Variants in RGS5 observed in about 807,000 individuals in gnomAD.
RGS5 encodes regulator of G protein signaling 5.
Under a neutral mutation model 18.9 loss-of-function variants are expected in RGS5, and 20 were observed. The observed-to-expected ratio is 1.06, with a 90% confidence interval of 0.74 to 1.54. The LOEUF is 1.54. Ranked by LOEUF, RGS5 falls within the 40% of genes most tolerant of loss-of-function variation. The pLI, the probability that RGS5 is intolerant of heterozygous loss-of-function variation, is 0.00. For missense variants in RGS5, 201 were observed against 211.8 expected (o/e 0.95, Z 0.32); for synonymous variants, 57 against 76.2 (o/e 0.75, Z 1.31).
chr1:163,269,947 A>C (rs1177717659), intron 2 of RGS5, among the ~76,000 whole-genome samples: 1 of 152,172 alleles, frequency 6.6e-6, no homozygotes, highest in African/African-American at 2.4e-5. Flanking sequence ...TAAACATAGC[A>C]ATTAAATAGA....
intron 1 of RGS5, among the ~76,000 whole-genome samples, chr1:163,209,803 CT>C (rs1557906478): frequency 6.6e-6 from 1 of 152,000 alleles, no homozygotes; most frequent in Non-Finnish European, 1.5e-5. Flanking sequence ...AGATAGTTTT[CT>C]TTTTCTTTAC....
At chr1:163,320,120 C>A (rs775301735) in intron 1 of RGS5, among the ~76,000 whole-genome samples, 44 of 152,108 alleles carry the variant, frequency 2.9e-4, no homozygotes, top group Non-Finnish European at 5.0e-4. Context: ...TCCTTTGCCT[C>A]ATTTTTCTCT....
At chr1:163,200,104 C>T (rs1659718289) in intron 1 of RGS5, among the ~76,000 whole-genome samples, 1 of 152,036 alleles carries the variant, frequency 6.6e-6, no homozygotes, top group Non-Finnish European at 1.5e-5. Flanking sequence ...ACAATGAATC[C>T]AACTTTTACC....
intron 2 of RGS5, among the ~76,000 whole-genome samples, chr1:163,233,529 C>T (rs934534880): frequency 1.1e-4 from 17 of 152,258 alleles, no homozygotes; most frequent in African/African-American, 2.2e-4. Flanking sequence ...CAGTGTCATG[C>T]GTGTCCATGT....
intron 2 of RGS5, chr1:163,244,476 T>C (rs560804543): frequency 7.9e-5 from 12 of 152,356 alleles, no homozygotes; most frequent in African/African-American, 2.2e-4. Flanking sequence ...ATAGCTTCTA[T>C]GACTCGTGAA....
intron 1 of RGS5, among the ~76,000 whole-genome samples, chr1:163,318,547 A>G (rs1267259965): frequency 6.6e-6 from 1 of 152,206 alleles, no homozygotes; most frequent in Non-Finnish European, 1.5e-5. Flanking sequence ...CAGGTCAGGA[A>G]TAGCAGTAGT....
chr1:163,304,492 T>A (rs1193438623), intron 2 of RGS5: 1 of 152,210 alleles, frequency 6.6e-6, no homozygotes, highest in African/African-American at 2.4e-5. Flanking sequence ...AAGAAGCAGG[T>A]CAAATGTCAT....
At chr1:163,319,758 C>T (rs937258287) in intron 1 of RGS5, among the ~76,000 whole-genome samples, 3 of 152,046 alleles carry the variant, frequency 2.0e-5, no homozygotes, top group African/African-American at 7.2e-5. Context: ...AATAGTAGGG[C>T]AAATGTAGCA....
chr1:163,211,010 AT>A (rs1660090991), intron 1 of RGS5: 1 of 152,240 alleles, frequency 6.6e-6, no homozygotes, highest in Non-Finnish European at 1.5e-5. Flanking sequence ...AGCTAAGAGC[AT>A]TTAGGAATCC....
At chr1:163,213,182 G>T (rs1660142749) in intron 1 of RGS5, among the ~76,000 whole-genome samples, 1 of 151,992 alleles carries the variant, frequency 6.6e-6, no homozygotes, top group East Asian at 1.9e-4. Flanking sequence ...TCATGTCCTG[G>T]ATATAACACA....
chr1:163,224,231 A>G (rs1044629423), intron 2 of RGS5, among the ~76,000 whole-genome samples: 3 of 148,242 alleles, frequency 2.0e-5, no homozygotes, highest in Non-Finnish European at 4.5e-5. Flanking sequence ...CCCAGCCTCC[A>G]GTAACCACTG....
chr1:163,260,810 G>A (rs1648414545), intron 2 of RGS5, among the ~76,000 whole-genome samples: 1 of 152,124 alleles, frequency 6.6e-6, no homozygotes, highest in South Asian at 2.1e-4. Flanking sequence ...TAGACTGTGA[G>A]CTCCATGAGA....
intron 1 of RGS5, among the ~76,000 whole-genome samples, chr1:163,187,058 T>C (rs1388510469): frequency 6.6e-6 from 1 of 152,106 alleles, no homozygotes; most frequent in Non-Finnish European, 1.5e-5. Flanking sequence ...TTTCCATAAG[T>C]AGCTAATGGC....
chr1:163,274,932 C>T (rs1348643974), intron 2 of RGS5, among the ~76,000 whole-genome samples: 1 of 152,044 alleles, frequency 6.6e-6, no homozygotes, highest in African/African-American at 2.4e-5. Context: ...GCCTGGGCAA[C>T]ATAGGGAAAC....
chr1:163,302,735 C>G (rs1228200613), intron 2 of RGS5, among the ~76,000 whole-genome samples: 1 of 152,190 alleles, frequency 6.6e-6, no homozygotes, highest in Non-Finnish European at 1.5e-5. Context: ...TTTCCCATCT[C>G]CATGCTTTTA....
At chr1:163,205,345 T>TAAAAAAAAAA (rs35747068), upstream of RGS5, among the ~76,000 whole-genome samples, 17 of 72,656 alleles carry the variant, frequency 2.3e-4, no homozygotes, top group South Asian at 5.3e-4. Flanking sequence ...TTAACCACAG[T>TAAAAAAAAAA]AAAAAAAAAA....
At chr1:163,170,536 G>C (rs1658253713) in intron 1 of RGS5, among the ~76,000 whole-genome samples, 4 of 152,006 alleles carry the variant, frequency 2.6e-5, no homozygotes, top group African/African-American at 7.3e-5. Context: ...GGCAATTTAA[G>C]TAAATGCCTA....
chr1:163,275,880 T>C (rs1426561623), intron 2 of RGS5, among the ~76,000 whole-genome samples: 2 of 152,142 alleles, frequency 1.3e-5, no homozygotes, highest in African/African-American at 4.8e-5. Flanking sequence ...AAGGGCTGGT[T>C]TTGAGGGATA....
At chr1:163,205,345 TAAA>T (rs35747068), upstream of RGS5, among the ~76,000 whole-genome samples, 21 of 72,712 alleles carry the variant, frequency 2.9e-4, no homozygotes, top group Middle Eastern at 0.01. Context: ...TTAACCACAG[TAAA>T]AAAAAAAAAA....
Sources: gnomAD v4.1 joint callset for allele counts (sites outside exome capture counted in the v4.1 genomes callset) on GRCh38, gnomAD v4.1.1 for gene constraint, MANE v1.5 for transcripts, NCBI Gene and HGNC (gene_info 2026-07-23, HGNC 2026-07-21) for gene names.